GRAMD1B: variants seen among roughly 807,000 people sequenced by gnomAD.
GRAMD1B encodes the protein protein Aster-B.
Under a neutral mutation model 99.7 loss-of-function variants are expected in GRAMD1B, and 37 were observed. The observed-to-expected ratio is 0.37, with a 90% CI of 0.29 to 0.49. GRAMD1B has a LOEUF of 0.49. Ranked by LOEUF, GRAMD1B falls within the 20% of genes least tolerant of loss-of-function variation. The probability of loss-of-function intolerance (pLI) is 0.98; values close to 1 mark genes in which losing one functional copy is unlikely to be tolerated. For missense variants in GRAMD1B, 888 were observed against 1,009.2 expected (o/e 0.88, Z 1.63); for synonymous variants, 427 against 387.6 (o/e 1.10, Z -1.19).
At chr11:123,423,312 C>G (rs376783031) in intron 1 of GRAMD1B, among the ~76,000 whole-genome samples, 113 of 151,812 alleles carry the variant, frequency 7.4e-4, no homozygotes, top group African/African-American at 2.6e-3. Context: ...AATGTTCCCT[C>G]TCCTCTCCTT....
At chr11:123,567,744 C>T (rs567526524) in intron 2 of GRAMD1B, among the ~76,000 whole-genome samples, 1 of 152,266 alleles carries the variant, frequency 6.6e-6, no homozygotes, top group African/African-American at 2.4e-5. Context: ...ATGGAGACTC[C>T]AGCCATGGTG....
intron 1 of GRAMD1B, among the ~76,000 whole-genome samples, chr11:123,388,767 G>A (rs1011603515): frequency 6.6e-6 from 1 of 152,182 alleles, no homozygotes; most frequent in Non-Finnish European, 1.5e-5. Context: ...TGAGGACAGT[G>A]AGAAGTCATC....
At chr11:123,473,830 TTTG>T (rs1396924942) in intron 1 of GRAMD1B, among the ~76,000 whole-genome samples, 4 of 152,192 alleles carry the variant, frequency 2.6e-5, no homozygotes, top group Admixed American at 6.5e-5. Flanking sequence ...CCCAGTCACA[TTTG>T]TTTACTTATT....
intron 1 of GRAMD1B, among the ~76,000 whole-genome samples, chr11:123,359,762 T>A (rs1946076684): frequency 6.6e-6 from 1 of 152,136 alleles, no homozygotes; most frequent in South Asian, 2.1e-4. Context: ...TAATAATTTT[T>A]AAAAAGGCTT....
chr11:123,421,835 G>A (rs1948447755), intron 1 of GRAMD1B, among the ~76,000 whole-genome samples: 2 of 152,110 alleles, frequency 1.3e-5, no homozygotes, highest in South Asian at 2.1e-4. Context: ...CCTTATTCAA[G>A]TTTATCACTG....
chr11:123,429,898 A>G (rs1359423049), upstream of GRAMD1B, among the ~76,000 whole-genome samples: 1 of 152,076 alleles, frequency 6.6e-6, no homozygotes. This position sits in a 1 kb window ranked among gnomAD's most constrained non-coding sequence, Gnocchi z 4.0. Flanking sequence ...AGGAGACAAG[A>G]GCTAGTTGAA....
intron 1 of GRAMD1B, among the ~76,000 whole-genome samples, chr11:123,377,373 G>A (rs927065824): frequency 9.9e-5 from 15 of 152,118 alleles, no homozygotes; most frequent in Admixed American, 9.8e-4. Flanking sequence ...AGATGTTCTG[G>A]GTGGATAAAG....
intron 1 of GRAMD1B, among the ~76,000 whole-genome samples, chr11:123,471,059 T>C (rs1950993403): frequency 6.6e-6 from 1 of 152,198 alleles, no homozygotes; most frequent in African/African-American, 2.4e-5. Context: ...TTCTGTGCTC[T>C]GCTATCTTTG....
rs1491409860 is a variant in GRAMD1B, at chr11:123,513,613, C to CTTTCTTTCTTT, written c.452+32720_452+32721insTTTCTTTCTTT. Among the ~76,000 whole-genome samples the CTTTCTTTCTTT allele has an allele frequency of 7.4e-3, 300 of 40,498 alleles. 3 individuals are homozygous for CTTTCTTTCTTT. Among genetic ancestry groups the CTTTCTTTCTTT allele is most frequent in the Middle Eastern group, 0.019 (1 of 54 alleles). 26.6% of individuals were successfully genotyped at this position (40,498 alleles called of 152,430 possible). On this transcript the variant is annotated intron_variant, in intron 2 of 19. Coordinates refer to ENST00000635736, the MANE Select transcript of GRAMD1B (RefSeq NM_001387025.1). ...TCCTTCCTTCCTTCCTTCCTTCCTTCCTTCCTTTCTTTCTTTCTTTCTTTC... is the reference window on the plus strand; with the variant it reads ...TCCTTCCTTCCTTCCTTCCTTCCTTCTTTCTTTCTTTCTTCCTTTCTTTCTTTCTTTCTTTC...
chr11:123,548,349 C>CAT (rs142360908), intron 2 of GRAMD1B, among the ~76,000 whole-genome samples: 3,961 of 106,704 alleles, frequency 0.037, 227 homozygotes, highest in African/African-American at 0.14. Flanking sequence ...CACACACACA[C>CAT]ATATATATAT....
rs11219180 is a variant in GRAMD1B at position 123,510,897 on chromosome 11, T to C, written c.452+30004T>C. On this transcript the variant is annotated intron_variant, in intron 2 of 19. Transcript: ENST00000635736. This position sits in a 1 kb window ranked among gnomAD's most constrained non-coding sequence, Gnocchi z 4.3. ...GAGGTGCCAGGTCCTACAAAGCACA[T>C]GCCCCACCTTGGTGTGCTTGGAAGT... 0.082 allele frequency among the ~76,000 whole-genome samples: 12,427 copies of C among 152,160 alleles called. 629 individuals are homozygous for C. Among genetic ancestry groups the C allele is most frequent in the South Asian group, 0.12 (562 of 4,818 alleles).
At chr11:123,408,933 T>A (rs755677901) in intron 1 of GRAMD1B, among the ~76,000 whole-genome samples, 1 of 152,256 alleles carries the variant, frequency 6.6e-6, no homozygotes, top group Non-Finnish European at 1.5e-5. Flanking sequence ...CAATATCTAT[T>A]GTTTCAGAAG....
chr11:123,586,889 A>T (rs1263286286), intron 4 of GRAMD1B, among the ~76,000 whole-genome samples: 1 of 152,198 alleles, frequency 6.6e-6, no homozygotes, highest in Admixed American at 6.5e-5. Context: ...CTGATATCTG[A>T]GGCTCATTCG....
chr11:123,428,746 G>A (rs989548805), upstream of GRAMD1B, among the ~76,000 whole-genome samples: 1 of 152,150 alleles, frequency 6.6e-6, no homozygotes, highest in African/African-American at 2.4e-5. Flanking sequence ...CTCAGCTTCG[G>A]GACACTTGTG....
intron 3 of GRAMD1B, among the ~76,000 whole-genome samples, chr11:123,581,685 G>A (rs1028989299): frequency 6.6e-6 from 1 of 152,220 alleles, no homozygotes; most frequent in Admixed American, 6.5e-5. Flanking sequence ...TCCTTGGTAT[G>A]TTTCACGTTT....
intron 1 of GRAMD1B, among the ~76,000 whole-genome samples, chr11:123,467,807 C>CTTTCTTTTCT (rs201092180): frequency 0.038 from 5,523 of 144,174 alleles, 197 homozygotes; most frequent in African/African-American, 0.09. Context: ...CCTTCTTTTT[C>CTTTCTTTTCT]TTTCTTTTCT....
rs767104181 is a variant in GRAMD1B, at chr11:123,449,714, C to CTTTTTT, written c.374+18560_374+18565dup. Among the ~76,000 whole-genome samples the CTTTTTT allele has an allele frequency of 3.1e-4, 31 of 99,970 alleles. 2 individuals are homozygous for CTTTTTT. Among genetic ancestry groups the CTTTTTT allele is most frequent in the East Asian group, 5.9e-4 (2 of 3,370 alleles). 65.6% of individuals were successfully genotyped at this position (99,970 alleles called of 152,430 possible). On this transcript the variant is annotated intron_variant, in intron 1 of 19. Transcript: ENST00000635736. Reference sequence around the variant, plus strand: ...TGCAGATGCATGCCACCATGCCTGGCTTTTTTTTTTTTTTTTTGAGACAGG... The same window carrying CTTTTTT: ...TGCAGATGCATGCCACCATGCCTGGCTTTTTTTTTTTTTTTTTTTTTTTGAGACAGG...
At chr11:123,609,164 T>C (rs572899337) in intron 12 of GRAMD1B, among the ~76,000 whole-genome samples, 1 of 152,264 alleles carries the variant, frequency 6.6e-6, no homozygotes, top group East Asian at 1.9e-4. Flanking sequence ...CGTTATCTCA[T>C]TCAGACCTCA....
At chr11:123,378,890 C>T (rs1370359590) in intron 1 of GRAMD1B, among the ~76,000 whole-genome samples, 1 of 152,206 alleles carries the variant, frequency 6.6e-6, no homozygotes, top group Non-Finnish European at 1.5e-5. Context: ...TAGGATTTAA[C>T]ATCTAAATGT....
Sources: gnomAD v4.1 joint callset for allele counts (sites outside exome capture counted in the v4.1 genomes callset) on GRCh38, gnomAD v4.1.1 for gene constraint, Gnocchi (gnomAD v3.1) non-coding constraint, MANE v1.5 for transcripts, NCBI Gene and HGNC (gene_info 2026-07-23, HGNC 2026-07-21) for gene names.